NALCN: variants seen among roughly 807,000 people sequenced by gnomAD.
The protein encoded by NALCN is sodium leak channel, non-selective.
Under a neutral mutation model 225.3 loss-of-function variants are expected in NALCN, and 111 were observed. The ratio of observed to expected loss-of-function variants is 0.49; its 90% CI spans 0.42 to 0.58. The LOEUF (loss-of-function observed/expected upper bound fraction) is 0.58. Ranked by LOEUF, NALCN falls within the 20% of genes least tolerant of loss-of-function variation. The probability of loss-of-function intolerance (pLI) is 0.00; values close to 1 mark genes in which losing one functional copy is unlikely to be tolerated. For missense variants in NALCN, 1,378 were observed against 2,202.4 expected, an observed-to-expected ratio of 0.63 and a Z score of 7.49; for synonymous variants, 764 against 769.0, an observed-to-expected ratio of 0.99 and a Z score of 0.11.
intron 43 of NALCN, among the ~76,000 whole-genome samples, chr13:101,056,018 T>C (rs919253049): frequency 5.3e-5 from 8 of 152,104 alleles, no homozygotes; most frequent in African/African-American, 1.9e-4. Context: ...CATTGTAAGA[T>C]GAAGACAATG....
intron 16 of NALCN, 93 bp downstream of exon 16, chr13:101,144,667 C>T: frequency 7.6e-7 from 1 of 1,321,302 alleles, no homozygotes; most frequent in Non-Finnish European, 1.0e-6. Flanking sequence ...AAACCCAACC[C>T]ACATATACTT....
chr13:101,368,772 G>A, intron 6 of NALCN: 1 of 154,718 alleles, frequency 6.5e-6, no homozygotes, highest in Non-Finnish European at 1.4e-5. Flanking sequence ...TTGGGAGGCT[G>A]AGGCAGGCAG....
chr13:101,111,231 G>GAAA lies in NALCN; in HGVS notation c.2193-8_2193-6dup. On this transcript the variant is annotated splice_region_variant and splice_polypyrimidine_tract_variant and intron_variant, in intron 18 of 43. Coordinates refer to ENST00000251127, the MANE Select transcript of NALCN (RefSeq NM_052867.4). Reference sequence around the variant, plus strand: ...ATGCGCTGTCGGGTGCAAGCTCTAGGAAAAAAAAAGGAGCCCAAGATAAAT... The same window carrying GAAA: ...ATGCGCTGTCGGGTGCAAGCTCTAGGAAAAAAAAAAAAGGAGCCCAAGATAAAT... 6.4e-7 allele frequency: 1 copy of GAAA among 1,552,880 alleles called. No homozygotes were observed. The highest frequency in any genetic ancestry group is 8.7e-7 in the Non-Finnish European group (1 of 1,143,774).
chr13:101,299,796 C>T (rs1037612327), intron 7 of NALCN, among the ~76,000 whole-genome samples: 4 of 152,094 alleles, frequency 2.6e-5, no homozygotes, highest in Non-Finnish European at 5.9e-5. Flanking sequence ...AATCTCTTCA[C>T]TCAGATATAC....
At chr13:101,204,656 T>C (rs778362389) in intron 13 of NALCN, among the ~76,000 whole-genome samples, 3 of 152,144 alleles carry the variant, frequency 2.0e-5, no homozygotes, top group Non-Finnish European at 4.4e-5. Context: ...CAGAAGCACA[T>C]TGGCAAAAAC....
At chr13:101,324,324 T>C (rs1273423490) in intron 7 of NALCN, among the ~76,000 whole-genome samples, 19 of 152,236 alleles carry the variant, frequency 1.2e-4, no homozygotes, top group Admixed American at 1.2e-3. Context: ...AGTGGGTTTC[T>C]GTTTTGTAAA....
chr13:101,153,669 C>T (rs1455294449), intron 15 of NALCN, among the ~76,000 whole-genome samples: 5 of 152,148 alleles, frequency 3.3e-5, no homozygotes, highest in South Asian at 2.1e-4. Context: ...GCAAAGTCAG[C>T]GTATTTCCCA....
intron 1 of NALCN, among the ~76,000 whole-genome samples, chr13:101,413,160 T>G (rs1363821172): frequency 6.6e-6 from 1 of 152,226 alleles, no homozygotes; most frequent in Non-Finnish European, 1.5e-5. Flanking sequence ...AATTATAATC[T>G]GAATTCTTTA....
chr13:101,310,191 T>C (rs777523033), intron 7 of NALCN, among the ~76,000 whole-genome samples: 16 of 152,232 alleles, frequency 1.1e-4, no homozygotes, highest in South Asian at 4.1e-4. Context: ...AGAGTTGTCC[T>C]GATCAGTTTT....
rs144367796 is a variant in NALCN at position 101,113,469 on chromosome 13, A to G, written c.2193-2243T>C. On this transcript the variant is annotated intron_variant, in intron 18 of 43. Coordinates refer to ENST00000251127, the MANE Select transcript of NALCN (RefSeq NM_052867.4). Reference sequence around the variant, plus strand: ...AGAAATTTTGCTATTTTGGAAAATAACAGTGTTGGCAGAAAGCTATGAACT... The same window carrying G: ...AGAAATTTTGCTATTTTGGAAAATAGCAGTGTTGGCAGAAAGCTATGAACT... Among the ~76,000 whole-genome samples, 1,506 of 152,358 alleles carry G rather than the reference A, an allele frequency of 9.9e-3. 14 individuals are homozygous for G. The highest frequency in any genetic ancestry group is 0.051 in the Middle Eastern group (15 of 294).
rs1333745915 is a variant in NALCN, at chr13:101,117,644, T to A, written c.2193-6418A>T. Reference sequence around the variant, plus strand: ...TGTAGACTTTTCAGACTGACTTCTTTTACTCAGTAACAGGCATTTATGTTT... The same window carrying A: ...TGTAGACTTTTCAGACTGACTTCTTATACTCAGTAACAGGCATTTATGTTT... On this transcript the variant is annotated intron_variant, in intron 18 of 43. Transcript: ENST00000251127. Among the ~76,000 whole-genome samples the A allele has an allele frequency of 2.0e-5, 3 of 152,348 alleles. No homozygotes were observed. The East Asian group carries it at 5.8e-4, about 29-fold the overall frequency.
At chr13:101,343,864 A>G (rs2045634506) in intron 7 of NALCN, among the ~76,000 whole-genome samples, 1 of 152,190 alleles carries the variant, frequency 6.6e-6, no homozygotes, top group African/African-American at 2.4e-5. Flanking sequence ...TTTGGGTACA[A>G]TTGTTGCATT....
chr13:101,193,016 G>A (rs2039744105), intron 13 of NALCN, among the ~76,000 whole-genome samples: 1 of 151,758 alleles, frequency 6.6e-6, no homozygotes, highest in Non-Finnish European at 1.5e-5. Context: ...ATGCAAGGAT[G>A]GACTGAGACC....
chr13:101,345,183 A>C, intron 7 of NALCN, 83 bp downstream of exon 7: 1 of 1,349,808 alleles, frequency 7.4e-7, no homozygotes, highest in South Asian at 1.4e-5. Context: ...TCAAAATATT[A>C]GTATCAATTA....
chr13:101,235,198 T>C (rs141693697), intron 12 of NALCN, among the ~76,000 whole-genome samples: 2,709 of 152,204 alleles, frequency 0.018, 72 homozygotes, highest in African/African-American at 0.054. Context: ...ATTCGCGTTA[T>C]GACTTATTAA....
chr13:101,090,060 A>G (rs931638537), intron 28 of NALCN, 94 bp from the exon 29 acceptor site: 83 of 1,554,094 alleles, frequency 5.3e-5, no homozygotes, highest in African/African-American at 8.2e-5. Flanking sequence ...AGTGTGGGAT[A>G]TGTGTGTGTG....
chr13:101,056,882 T>G (rs2031332423), intron 43 of NALCN: 1 of 152,236 alleles, frequency 6.6e-6, no homozygotes, highest in Admixed American at 6.5e-5. Context: ...ACTCAGCTTG[T>G]AATTTATGAC....
At chr13:101,237,561 G>T (rs1009781624) in intron 12 of NALCN, among the ~76,000 whole-genome samples, 194 bp downstream of exon 12, 1 of 151,650 alleles carries the variant, frequency 6.6e-6, no homozygotes, top group Admixed American at 6.6e-5. Flanking sequence ...TTTAAAAAGC[G>T]ATTGTTACAA....
chr13:101,060,149 G>A (rs898357565), intron 41 of NALCN, among the ~76,000 whole-genome samples, 182 bp from the exon 42 acceptor site: 1 of 152,066 alleles, frequency 6.6e-6, no homozygotes, highest in African/African-American at 2.4e-5. Flanking sequence ...CTGATGCAAA[G>A]GTGGGCTTAG....
Sources: allele counts gnomAD v4.1 joint callset (sites outside exome capture counted in the v4.1 genomes callset), GRCh38; gene constraint gnomAD v4.1.1; transcripts MANE v1.5; gene names NCBI Gene and HGNC (gene_info 2026-07-23, HGNC 2026-07-21).